Variants in DLG5 observed in about 807,000 individuals in gnomAD.
DLG5 encodes the protein disks large homolog 5.
DLG5 carries 48 observed loss-of-function variants against 189.8 expected under a neutral mutation model. That is an observed-to-expected ratio of 0.25 (90% CI 0.20 to 0.32). DLG5 has a LOEUF of 0.32. DLG5 is among the 10% of genes least tolerant of loss of function. DLG5 has a pLI of 1.00. For synonymous variants in DLG5, 1,016 were observed against 1,054.1 expected, an observed-to-expected ratio of 0.96 and a Z score of 0.70; for missense variants, 2,160 against 2,544.7, an observed-to-expected ratio of 0.85 and a Z score of 3.25.
At chr10:77,931,104 G>A (rs1846782579), upstream of DLG5, among the ~76,000 whole-genome samples, 1 of 151,722 alleles carries the variant, frequency 6.6e-6, no homozygotes, top group Non-Finnish European at 1.5e-5. Context: ...ACAGGTGTGA[G>A]CCACCACACC....
rs931745226 is a variant in DLG5 at position 77,817,930 on chromosome 10, AG to A, written c.3672-42del. On this transcript the variant is annotated intron_variant, in intron 17 of 31. Coordinates refer to ENST00000372391, the MANE Select transcript of DLG5 (RefSeq NM_004747.4). ...AGGTGAGGAGTTCGGGAGGAGAACC[AG>A]GAACAGATGTGGCCACTGGGGAGAA... 10 of 1,506,394 alleles carry A rather than the reference AG, an allele frequency of 6.6e-6. No homozygotes were observed. The African/African-American group carries it at 9.7e-5, about 15-fold the overall frequency. 93.3% of individuals were successfully genotyped at this position (1,506,394 alleles called of 1,614,324 possible). A position where few individuals can be genotyped will look rare whatever the true frequency, so the allele number is the denominator to read the frequency against.
At position 77,898,513 on chromosome 10, in the gene DLG5, C is replaced by T. The variant is rs541746207; in HGVS notation, c.304+27704G>A. 4.6e-5 allele frequency among the ~76,000 whole-genome samples: 7 copies of T among 152,326 alleles called. No individual in the cohort carries two copies. The East Asian group carries it at 5.8e-4, about 13-fold the overall frequency. On this transcript the variant is annotated intron_variant, in intron 1 of 31. Coordinates refer to ENST00000372391, the MANE Select transcript of DLG5 (RefSeq NM_004747.4). ...GCAGGGGCTGGGAGATGCTGCATGGCGCAGGCTGTGGGCTTGGCTATTAAA... is the reference window on the plus strand; with the variant it reads ...GCAGGGGCTGGGAGATGCTGCATGGTGCAGGCTGTGGGCTTGGCTATTAAA...
chr10:77,872,678 G>C (rs1405303936), intron 1 of DLG5, among the ~76,000 whole-genome samples: 2 of 152,164 alleles, frequency 1.3e-5, no homozygotes, highest in Admixed American at 6.5e-5. Context: ...TGTGTGGTCA[G>C]GACAGTCAGG....
intron 1 of DLG5, among the ~76,000 whole-genome samples, chr10:77,924,586 C>A (rs796513761): frequency 6.6e-6 from 1 of 152,174 alleles, no homozygotes; most frequent in Admixed American, 6.5e-5. Context: ...TACATAGATA[C>A]AATTAAAAAG....
intron 2 of DLG5, among the ~76,000 whole-genome samples, chr10:77,857,916 C>A (rs909455577): frequency 6.6e-6 from 1 of 152,174 alleles, no homozygotes; most frequent in African/African-American, 2.4e-5. Flanking sequence ...GCACAAAGGG[C>A]ATAGGACATG....
chr10:77,802,887 G>A (rs899261919), intron 27 of DLG5, among the ~76,000 whole-genome samples: 5 of 152,188 alleles, frequency 3.3e-5, no homozygotes, highest in Non-Finnish European at 5.9e-5. Flanking sequence ...GCGACAGAGC[G>A]AGATTCTGCC....
intron 5 of DLG5, among the ~76,000 whole-genome samples, chr10:77,849,439 G>A (rs1329673158): frequency 6.6e-6 from 1 of 152,242 alleles, no homozygotes; most frequent in Non-Finnish European, 1.5e-5. Flanking sequence ...CACGCCTGAT[G>A]AAGGCAAGGG....
At chr10:77,871,526 A>G (rs1844897155) in intron 1 of DLG5, among the ~76,000 whole-genome samples, 1 of 148,722 alleles carries the variant, frequency 6.7e-6, no homozygotes, top group South Asian at 2.1e-4. Context: ...CAAAAACAAT[A>G]AGCATCACAC....
In DLG5 at chr10:77,869,034, G is replaced by C. The variant is rs550776601; in HGVS notation, c.373+95C>G. ...ATGATCCTGTGAGTAATCTGACAAG[G>C]GAGAACCAGCTTCCTCTCCCATGAA... On this transcript the variant is annotated intron_variant, in intron 2 of 31. Transcript: ENST00000372391. 1.2e-5 allele frequency: 12 copies of C among 993,650 alleles called. No individual in the cohort carries two copies. The African/African-American group carries it at 1.8e-4, about 15-fold the overall frequency. The allele number at this position is 993,650 out of a possible 1,614,324, so 61.6% of individuals were successfully genotyped here.
At chr10:77,927,437 T>G (rs1038331045), upstream of DLG5, 1 of 152,234 alleles carries the variant, frequency 6.6e-6, no homozygotes, top group African/African-American at 2.4e-5. Flanking sequence ...GATTAAGACC[T>G]CCGCCGAATC....
chr10:77,936,453 A>C, the DLG5 span, among the ~76,000 whole-genome samples: 2 of 138,514 alleles, frequency 1.4e-5, no homozygotes, highest in Admixed American at 7.2e-5. Context: ...AAACAAAAAA[A>C]AAAAAAAAAA....
At chr10:77,800,663 A>T (rs1283944227) in intron 27 of DLG5, among the ~76,000 whole-genome samples, 1 of 152,238 alleles carries the variant, frequency 6.6e-6, no homozygotes, top group Admixed American at 6.5e-5. Context: ...GTGGGTCATT[A>T]TTCCAGAGGA....
rs528389206 is a variant in DLG5 at position 77,868,417 on chromosome 10, C to A, written c.373+712G>T. The A allele has an allele frequency of 9.6e-6, 3 of 312,672 alleles. No homozygotes were observed. In the East Asian group the frequency reaches 2.5e-4, roughly 27 times the overall value. The allele number at this position is 312,672 out of a possible 1,614,324, so 19.4% of individuals were successfully genotyped here. ...CTGACATATGAAAGAGCTGTCCTGA[C>A]TAGTTCTAGAATCTCAGGCATGTGA... On this transcript the variant is annotated intron_variant, in intron 2 of 31. Coordinates refer to ENST00000372391, the MANE Select transcript of DLG5 (RefSeq NM_004747.4).
At chr10:77,907,286 T>A (rs968237444) in intron 1 of DLG5, among the ~76,000 whole-genome samples, 9 of 152,042 alleles carry the variant, frequency 5.9e-5, no homozygotes, top group African/African-American at 2.2e-4. Flanking sequence ...ATCATAAGAA[T>A]GAAAATAACT....
Position 77,801,265 on chromosome 10 carries a change from T to C in DLG5, c.5164+4400A>G, listed in dbSNP as rs1303062653. 2.6e-5 allele frequency among the ~76,000 whole-genome samples: 4 copies of C among 152,116 alleles called. No homozygotes were observed. In the East Asian group the frequency reaches 7.7e-4, roughly 29 times the overall value. Reference sequence around the variant, plus strand: ...AAAGTCTCAGCAGAGAATTAAAGCCTGGTAAAAAAGAACCAAGTGGAAACT... The same window carrying C: ...AAAGTCTCAGCAGAGAATTAAAGCCCGGTAAAAAAGAACCAAGTGGAAACT... On this transcript the variant is annotated intron_variant, in intron 27 of 31. Transcript: ENST00000372391.
At chr10:77,839,357 T>C (rs940883681) in intron 7 of DLG5, among the ~76,000 whole-genome samples, 2 of 151,956 alleles carry the variant, frequency 1.3e-5, no homozygotes, top group Non-Finnish European at 2.9e-5. Context: ...AAAAATTAGC[T>C]GGGCGTACTG....
At chr10:77,933,275 G>GTTTTTGT in the DLG5 span, among the ~76,000 whole-genome samples, 3 of 151,688 alleles carry the variant, frequency 2.0e-5, no homozygotes, top group East Asian at 1.9e-4. Flanking sequence ...TTGGGTTTTT[G>GTTTTTGT]TTTTTGTTTT....
chr10:77,857,529 C>T (rs956287609), intron 2 of DLG5, among the ~76,000 whole-genome samples: 46 of 152,202 alleles, frequency 3.0e-4, no homozygotes, highest in African/African-American at 8.7e-4. Flanking sequence ...GTCAGTGTGA[C>T]GCAATTCAAG....
chr10:77,795,954 C>A, intron 29 of DLG5, 107 bp downstream of exon 29: 1 of 1,523,698 alleles, frequency 6.6e-7, no homozygotes, highest in Non-Finnish European at 9.0e-7. Flanking sequence ...GGTGGGCTCA[C>A]TGAAGGTCTG....
Sources: allele counts gnomAD v4.1 joint callset (sites outside exome capture counted in the v4.1 genomes callset), GRCh38; gene constraint gnomAD v4.1.1; transcripts MANE v1.5; gene names NCBI Gene and HGNC (gene_info 2026-07-23, HGNC 2026-07-21).